Variants in NOTCH3 observed in about 807,000 individuals in gnomAD.
NOTCH3 encodes the protein notch receptor 3, also known as neurogenic locus notch homolog protein 3.
In NOTCH3, 86 loss-of-function variants were observed where a neutral mutation model predicts 213.3. The observed-to-expected ratio is 0.40, with a 90% CI of 0.34 to 0.48. The LOEUF is 0.48. NOTCH3 is among the 20% of genes least tolerant of loss of function. The pLI, the probability that NOTCH3 is intolerant of heterozygous loss-of-function variation, is 0.57. For missense variants in NOTCH3, 2,783 were observed against 3,272.6 expected (o/e 0.85, Z 3.65); for synonymous variants, 1,354 against 1,355.9 (o/e 1.00, Z 0.03).
Position 15,180,766 on chromosome 19 carries a change from C to T in NOTCH3, c.3057G>A (p.Gly1019=), listed in dbSNP as rs780520770. The change falls in exon 19 of 33, where the codon GGG becomes GGA. Residue 1019 remains glycine (G), a synonymous_variant. Coordinates refer to ENST00000263388, the MANE Select transcript of NOTCH3 (RefSeq NM_000435.3). ...ATCCAGGGGGACAAAGGCAATAGGC[C>T]CCAGTCTGGACGCAGCGACCCCCGT... ...CQNGGRCVQT[G]AYCLCPPGWS... is the part of the protein sequence containing the mutation. 6.2e-6 allele frequency: 10 copies of T among 1,603,074 alleles called. No homozygotes were observed. The highest frequency in any genetic ancestry group is 1.3e-5 in the African/African-American group (1 of 74,766).
At position 15,160,220 on chromosome 19, in the gene NOTCH3, AG is replaced by A. The variant is rs2046628148; in HGVS notation, c.*441del. The A allele has an allele frequency of 4.1e-6, 1 of 241,230 alleles. No individual in the cohort carries two copies. Among genetic ancestry groups the A allele is most frequent in the Non-Finnish European group, 8.1e-6 (1 of 123,836 alleles). The allele number at this position is 241,230 out of a possible 1,614,324, so 14.9% of individuals were successfully genotyped here. On this transcript the variant is annotated 3_prime_UTR_variant, in exon 33 of 33. Coordinates refer to ENST00000263388, the MANE Select transcript of NOTCH3 (RefSeq NM_000435.3). ...CCCACGGGGGCACTGGGGGGTTCACAGGGGGAGGGAGCATCTCCATATATAT... is the reference window on the plus strand; with the variant it reads ...CCCACGGGGGCACTGGGGGGTTCACAGGGGAGGGAGCATCTCCATATATAT...
chr19:15,190,899 G>A lies in NOTCH3; in HGVS notation c.1036+525C>T, dbSNP rs541562137. ...ACCACACCCAGCCTACCAAGTTTTT[G>A]TAGAGATGACAAAAACTCACTATGT... On this transcript the variant is annotated intron_variant, in intron 6 of 32. Coordinates refer to ENST00000263388, the MANE Select transcript of NOTCH3 (RefSeq NM_000435.3). Among the ~76,000 whole-genome samples the A allele has an allele frequency of 2.6e-5, 4 of 151,906 alleles. No individual in the cohort carries two copies. In the South Asian group the frequency reaches 6.2e-4, roughly 24 times the overall value.
rs1442324683 is a variant in NOTCH3, at chr19:15,185,278, T to A, written c.2275A>T (p.Thr759Ser). The stretch of plus-strand genomic sequence containing the variant: ...ACACCCTGGACACCAGGCGGGCAGG[T>A]GCAGTGGAAACCCATTCCATCGCTG... The part of the protein sequence containing the change: ...CSSDGMGFHC[T>S]CPPGVQGRQC... The change falls in exon 14 of 33, where the codon ACC becomes TCC. Residue 759 changes from threonine (T) to serine (S), a missense_variant. By Grantham distance (58) the Thr-to-Ser change is moderately conservative. Transcript: ENST00000263388. The surrounding 1 kb of genome is among the most constrained non-coding windows in gnomAD (Gnocchi z 4.2). The A allele has an allele frequency of 3.7e-6, 6 of 1,610,094 alleles. No individual in the cohort carries two copies. Among genetic ancestry groups the A allele is most frequent in the Non-Finnish European group, 5.1e-6 (6 of 1,179,168 alleles).
At chr19:15,195,543 G>C (rs943268977) in intron 2 of NOTCH3, among the ~76,000 whole-genome samples, 2 of 148,428 alleles carry the variant, frequency 1.3e-5, no homozygotes, top group Non-Finnish European at 3.0e-5. Context: ...AACTCAACAA[G>C]CGGCTGACTC....
chr19:15,170,124 A>G lies in NOTCH3; in HGVS notation c.5161T>C (p.Trp1721Arg). ...ESLMGEVATD[W>R]MDTECPEAKR... ...GCCTCTGGGCACTCTGTGTCCATCC[A>G]GTCTGTGGCCACCTCCCCCATCAGG... The change falls in exon 28 of 33, where the codon TGG (tryptophan) becomes CGG (arginine). Residue 1721 changes from tryptophan (W) to arginine (R), a missense_variant. Transcript: ENST00000263388. The G allele has an allele frequency of 6.2e-7, 1 of 1,604,306 alleles. No homozygotes were observed. The highest frequency in any genetic ancestry group is 8.5e-7 in the Non-Finnish European group (1 of 1,175,402).
At position 15,186,787 on chromosome 19, in the gene NOTCH3, G is replaced by A. The variant is rs1599388488; in HGVS notation, c.1951+91C>T. On this transcript the variant is annotated intron_variant, in intron 12 of 32. Transcript: ENST00000263388. The stretch of plus-strand genomic sequence containing the variant: ...GCACGGACAACCTCGTTGGACAAGA[G>A]TCTGCAAAGATACGGGCAAAACAGG... The A allele has an allele frequency of 7.0e-6, 7 of 1,003,624 alleles. No individual in the cohort carries two copies. The East Asian group carries it at 1.7e-4, about 24-fold the overall frequency. The allele number at this position is 1,003,624 out of a possible 1,614,324, so 62.2% of individuals were successfully genotyped here.
chr19:15,164,564 G>T (rs1317560983), intron 31 of NOTCH3, among the ~76,000 whole-genome samples: 1 of 150,402 alleles, frequency 6.6e-6, no homozygotes, highest in East Asian at 1.9e-4. Context: ...TAAAAAAAGG[G>T]CAACATAAGG....
intron 25 of NOTCH3, among the ~76,000 whole-genome samples, chr19:15,173,733 AAAAAAAAAG>A (rs1568351684): frequency 0.11 from 1,101 of 10,482 alleles, 55 homozygotes; most frequent in African/African-American, 0.34. Flanking sequence ...TCAAAAAAAA[AAAAAAAAAG>A]AAAAGAAGAA....
In NOTCH3 at chr19:15,177,611, G is replaced by GTCC; in HGVS notation, c.4316_4317insGGA (p.Asn1439delinsLysAsp). 1 of 1,593,962 alleles carries GTCC rather than the reference G, an allele frequency of 6.3e-7. No individual in the cohort carries two copies. The highest frequency in any genetic ancestry group is 8.5e-7 in the Non-Finnish European group (1 of 1,172,574). On this transcript the variant is annotated protein_altering_variant, in exon 24 of 33. Coordinates refer to ENST00000263388, the MANE Select transcript of NOTCH3 (RefSeq NM_000435.3). ...AGCTGCAGGCGGGGTCGCAGCGGCT[G>GTCC]TTGTTGAAGAGGCGCCAGCACTGCA...
In NOTCH3 at chr19:15,170,158, C is replaced by T. The variant is rs578020650; in HGVS notation, c.5127G>A (p.Lys1709=). The change falls in exon 28 of 33, where the codon AAG becomes AAA. Residue 1709 remains lysine (K), a synonymous_variant. Coordinates refer to ENST00000263388, the MANE Select transcript of NOTCH3 (RefSeq NM_000435.3). ...CCACCTCCCCCATCAGGCTCTCACC[C>T]TTGGCCATGTTCCTGGCGGACAATG... ...QDALGMKNMA[K]GESLMGEVAT... 46 of 1,604,936 alleles carry T rather than the reference C, an allele frequency of 2.9e-5. No homozygotes were observed. The African/African-American group carries it at 4.9e-4, about 17-fold the overall frequency.
chr19:15,195,920 G>A (rs114509076), intron 2 of NOTCH3, among the ~76,000 whole-genome samples: 26,014 of 150,912 alleles, frequency 0.17, 2,608 homozygotes, highest in East Asian at 0.34. Context: ...ACGGAGGGGG[G>A]AGCGCAGACC....
Position 15,167,398 on chromosome 19 carries a change from C to T in NOTCH3, c.5213G>A (p.Gly1738Asp). The T allele has an allele frequency of 6.2e-7, 1 of 1,606,438 alleles. No homozygotes were observed. The highest frequency in any genetic ancestry group is 8.5e-7 in the Non-Finnish European group (1 of 1,180,008). ...ATCCACAGCCTCCTCAGCCCCCATG[C>T]CTGGCTCCTCTACCTGGAGGGGCAG... ...EAKRLKVEEPGMGAEEAVDCR... is the reference protein window; with the variant it reads ...EAKRLKVEEPDMGAEEAVDCR... The change falls in exon 29 of 33, where the codon GGC becomes GAC. Residue 1738 changes from glycine to aspartate, a missense_variant. Gly to Asp is a moderately conservative substitution (Grantham distance 94, BLOSUM62 -1). Coordinates refer to ENST00000263388, the MANE Select transcript of NOTCH3 (RefSeq NM_000435.3).
At chr19:15,168,676 A>C (rs1163934900) in intron 28 of NOTCH3, among the ~76,000 whole-genome samples, 1 of 151,998 alleles carries the variant, frequency 6.6e-6, no homozygotes, top group Non-Finnish European at 1.5e-5. Context: ...TCTACTAAAA[A>C]TACAAAAATT....
intron 2 of NOTCH3, 146 bp from the exon 3 acceptor site, chr19:15,192,665 A>G: frequency 1.6e-6 from 2 of 1,236,608 alleles, no homozygotes; most frequent in Non-Finnish European, 2.3e-6. Context: ...CTGTAATCCC[A>G]GAACTTTGGG....
rs764424964 is a variant in NOTCH3 at position 15,181,000 on chromosome 19, G to T, written c.2955C>A (p.Arg985=). The change falls in exon 18 of 33, where the codon CGC becomes CGA. Residue 985 remains arginine, a synonymous_variant. Transcript: ENST00000263388. The part of the protein sequence containing the change: ...GVCSAAHPGF[R]CTCLESFTGP... ...CCGTGAAGCTCTCGAGGCAGGTGCA[G>T]CGGAAGCCAGGGTGGGCGGCGCTGC... is the stretch of plus-strand genomic sequence containing the variant. 6.3e-7 allele frequency: 1 copy of T among 1,597,878 alleles called. No individual in the cohort carries two copies. Among genetic ancestry groups the T allele is most frequent in the East Asian group, 2.3e-5 (1 of 44,022 alleles).
chr19:15,181,516 C>A (rs1290705214), intron 17 of NOTCH3, 60 bp downstream of exon 17: 1 of 1,425,344 alleles, frequency 7.0e-7, no homozygotes, highest in East Asian at 2.5e-5. Context: ...CACTTCGTCC[C>A]AGGTCCCAGG....
intron 24 of NOTCH3, among the ~76,000 whole-genome samples, chr19:15,175,415 T>G (rs1335749073): frequency 1.3e-5 from 2 of 148,616 alleles, no homozygotes; most frequent in Admixed American, 1.4e-4. Flanking sequence ...GCGCCTGTAA[T>G]CCCAGCTACT....
At chr19:15,199,746 T>A (rs2046996511) in intron 1 of NOTCH3, among the ~76,000 whole-genome samples, 1 of 152,134 alleles carries the variant, frequency 6.6e-6, no homozygotes, top group Admixed American at 6.5e-5. Context: ...TCCTGCCTGG[T>A]CCTGCCCCGT....
rs2145401412 is a variant in NOTCH3, at chr19:15,170,709, T to C, written c.4853A>G (p.Glu1618Gly). 6.3e-7 allele frequency: 1 copy of C among 1,597,298 alleles called. No individual in the cohort carries two copies. Among genetic ancestry groups the C allele is most frequent in the Non-Finnish European group, 8.5e-7 (1 of 1,173,180 alleles). The change falls in exon 26 of 33, where the codon GAG becomes GGG. Residue 1618 changes from glutamate (E) to glycine (G), a missense_variant. Coordinates refer to ENST00000263388, the MANE Select transcript of NOTCH3 (RefSeq NM_000435.3). ...CAGTGGGTACGGGAAGTCCAGGCGC[T>C]CCACCGCTGACAACGCTCCCAGGTA... ...ADYLGALSAV[E>G]RLDFPYPLRD...
Sources: gnomAD v4.1 joint callset for allele counts (sites outside exome capture counted in the v4.1 genomes callset) on GRCh38, gnomAD v4.1.1 for gene constraint, Gnocchi (gnomAD v3.1) non-coding constraint, MANE v1.5 for transcripts, NCBI Gene and HGNC (gene_info 2026-07-23, HGNC 2026-07-21) for gene names.